PRELID2: variants seen among roughly 807,000 people sequenced by gnomAD.
PRELID2 encodes PRELI domain-containing protein 2.
PRELID2 carries 25 observed loss-of-function variants against 28.4 expected under a neutral mutation model. The observed-to-expected ratio is 0.88, with a 90% CI of 0.64 to 1.23. The LOEUF (loss-of-function observed/expected upper bound fraction) is 1.23. PRELID2 is among the 50% of genes most tolerant of loss of function. The pLI is 0.00. For synonymous variants in PRELID2, 76 were observed against 71.6 expected, an observed-to-expected ratio of 1.06 and a Z score of -0.31; for missense variants, 201 against 214.4, an observed-to-expected ratio of 0.94 and a Z score of 0.39.
At chr5:145,641,997 T>C (rs1581021357) in intron 1 of PRELID2, among the ~76,000 whole-genome samples, 1 of 152,200 alleles carries the variant, frequency 6.6e-6, no homozygotes, top group African/African-American at 2.4e-5. Flanking sequence ...ATCTTTATAG[T>C]AGAATGATTT....
At chr5:145,711,808 C>T (rs1755703504) in intron 1 of PRELID2, among the ~76,000 whole-genome samples, 1 of 147,768 alleles carries the variant, frequency 6.8e-6, no homozygotes, top group Non-Finnish European at 1.5e-5. Flanking sequence ...AGTGCACTAC[C>T]ACAGGCAGAG....
chr5:145,640,336 C>G (rs541746979), intron 1 of PRELID2, among the ~76,000 whole-genome samples: 4 of 151,940 alleles, frequency 2.6e-5, no homozygotes. Flanking sequence ...ATTAGCCGGG[C>G]GTGGTGGCGG....
chr5:145,763,681 ATG>A (rs1257226117), intron 6 of PRELID2, among the ~76,000 whole-genome samples: 1 of 152,202 alleles, frequency 6.6e-6, no homozygotes, highest in Non-Finnish European at 1.5e-5. Flanking sequence ...ACACAAGACT[ATG>A]TGTCTCAACT....
chr5:145,650,030 C>A (rs1245314581), intron 1 of PRELID2, among the ~76,000 whole-genome samples: 2 of 152,128 alleles, frequency 1.3e-5, no homozygotes, highest in Admixed American at 6.5e-5. Flanking sequence ...TATCTTCCTG[C>A]AATGTTTCAA....
At chr5:145,484,320 A>G (rs1484001082) in intron 1 of PRELID2, among the ~76,000 whole-genome samples, 2 of 152,198 alleles carry the variant, frequency 1.3e-5, no homozygotes, top group East Asian at 3.9e-4. Context: ...GAGCACAAGG[A>G]AACAGTGACT....
At chr5:145,408,917 T>A in the PRELID2 span, among the ~76,000 whole-genome samples, 2 of 152,086 alleles carry the variant, frequency 1.3e-5, no homozygotes, top group African/African-American at 4.8e-5. Context: ...CACACAGTCA[T>A]CAGGTTATCT....
At chr5:145,347,991 A>AG in the PRELID2 span, among the ~76,000 whole-genome samples, 1 of 152,106 alleles carries the variant, frequency 6.6e-6, no homozygotes, top group Admixed American at 6.6e-5. Context: ...TATTTTTAGC[A>AG]GAAAAAAAAG....
chr5:145,343,125 A>T, the PRELID2 span, among the ~76,000 whole-genome samples: 1 of 151,966 alleles, frequency 6.6e-6, no homozygotes, highest in Non-Finnish European at 1.5e-5. Context: ...GACAAAAAAA[A>T]ATTAACAAAG....
chr5:145,656,367 A>C (rs557584215), intron 1 of PRELID2, among the ~76,000 whole-genome samples: 31 of 152,344 alleles, frequency 2.0e-4, no homozygotes, highest in African/African-American at 7.5e-4. Flanking sequence ...ATCTAGAACT[A>C]GAAATGTCAT....
intron 1 of PRELID2, among the ~76,000 whole-genome samples, chr5:145,595,889 A>C (rs1048990960): frequency 1.3e-5 from 2 of 152,170 alleles, no homozygotes; most frequent in Admixed American, 1.3e-4. Flanking sequence ...AAATGAAACC[A>C]ACAGTTAGTT....
chr5:145,290,509 C>A, the PRELID2 span, among the ~76,000 whole-genome samples: 1 of 150,278 alleles, frequency 6.7e-6, no homozygotes, highest in East Asian at 2.0e-4. Context: ...GACAGAAAAC[C>A]AAACACCACA....
chr5:145,517,225 T>C (rs1752524851), intron 1 of PRELID2, among the ~76,000 whole-genome samples: 1 of 152,088 alleles, frequency 6.6e-6, no homozygotes, highest in Non-Finnish European at 1.5e-5. Flanking sequence ...AGAAAATTTT[T>C]GCAATCTATC....
At chr5:145,404,224 T>C in the PRELID2 span, among the ~76,000 whole-genome samples, 1 of 152,158 alleles carries the variant, frequency 6.6e-6, no homozygotes, top group Non-Finnish European at 1.5e-5. Flanking sequence ...AAATGTATGA[T>C]ATATTGGAAG....
At chr5:145,787,893 T>C (rs948379020) in intron 5 of PRELID2, among the ~76,000 whole-genome samples, 1 of 152,100 alleles carries the variant, frequency 6.6e-6, no homozygotes, top group Non-Finnish European at 1.5e-5. Context: ...GAACAAATAA[T>C]CAGTCTATCT....
chr5:145,245,897 C>T, the PRELID2 span, among the ~76,000 whole-genome samples: 1 of 151,954 alleles, frequency 6.6e-6, no homozygotes, highest in Admixed American at 6.6e-5. Flanking sequence ...GCACTCAACA[C>T]ATTTTTATTT....
chr5:145,701,784 G>C (rs1390760471), intron 1 of PRELID2, among the ~76,000 whole-genome samples: 1 of 152,150 alleles, frequency 6.6e-6, no homozygotes, highest in Non-Finnish European at 1.5e-5. Context: ...GGGCGCAGTG[G>C]CTCACCCCTG....
intron 1 of PRELID2, among the ~76,000 whole-genome samples, chr5:145,713,042 G>A (rs1320051014): frequency 2.6e-5 from 4 of 151,538 alleles, no homozygotes; most frequent in Non-Finnish European, 5.9e-5. Context: ...AAGAAGAGAA[G>A]AACAACATAG....
chr5:145,314,976 T>C, the PRELID2 span, among the ~76,000 whole-genome samples: 1 of 151,964 alleles, frequency 6.6e-6, no homozygotes, highest in Non-Finnish European at 1.5e-5. Context: ...ATGATTTCTT[T>C]TGTTTTTTGA....
the PRELID2 span, among the ~76,000 whole-genome samples, chr5:145,374,980 C>T: frequency 2.0e-5 from 3 of 152,274 alleles, no homozygotes; most frequent in East Asian, 1.9e-4. Flanking sequence ...AACCCTTCTT[C>T]GTTCAATTCA....
Sources: allele counts gnomAD v4.1 joint callset (sites outside exome capture counted in the v4.1 genomes callset), GRCh38; gene constraint gnomAD v4.1.1; transcripts MANE v1.5; gene names NCBI Gene and HGNC (gene_info 2026-07-23, HGNC 2026-07-21).